The following ARHGAP18 variants were observed in gnomAD, a reference collection of about 807,000 sequenced individuals.
ARHGAP18 encodes the protein rho GTPase-activating protein 18.
ARHGAP18 carries 67 observed loss-of-function variants against 86.2 expected under a neutral mutation model. The observed-to-expected ratio is 0.78, with a 90% CI of 0.64 to 0.95. The LOEUF (loss-of-function observed/expected upper bound fraction) is 0.95. ARHGAP18 is among the 40% of genes least tolerant of loss of function. The pLI, the probability that ARHGAP18 is intolerant of heterozygous loss-of-function variation, is 0.00. For synonymous variants in ARHGAP18, 283 were observed against 280.4 expected (o/e 1.01, Z -0.09); for missense variants, 691 against 780.4 (o/e 0.89, Z 1.37).
chr6:129,607,845 A>G, intron 9 of ARHGAP18, 48 bp downstream of exon 9: 3 of 1,523,804 alleles, frequency 2.0e-6, no homozygotes, highest in Non-Finnish European at 2.6e-6. Context: ...AACAATTAAC[A>G]TAGATGGCAC....
intron 1 of ARHGAP18, chr6:129,662,045 A>C (rs369424647): frequency 6.1e-6 from 2 of 329,832 alleles, no homozygotes; most frequent in African/African-American, 2.2e-5. Context: ...CGCAAGCTGC[A>C]GCTCTCTGAG....
At chr6:129,687,648 C>T (rs969055538) in intron 1 of ARHGAP18, among the ~76,000 whole-genome samples, 10 of 152,242 alleles carry the variant, frequency 6.6e-5, no homozygotes, top group African/African-American at 2.4e-4. Context: ...CTCTAACCCA[C>T]ACCTTAACCT....
chr6:129,649,216 A>G (rs1773649977), intron 1 of ARHGAP18, among the ~76,000 whole-genome samples: 1 of 152,208 alleles, frequency 6.6e-6, no homozygotes, highest in Admixed American at 6.5e-5. Context: ...CATTTTGGGA[A>G]AAAAATGAAA....
intron 1 of ARHGAP18, among the ~76,000 whole-genome samples, chr6:129,680,735 C>A (rs528638766): frequency 6.6e-6 from 1 of 152,352 alleles, no homozygotes; most frequent in East Asian, 1.9e-4. Context: ...GGCATTCATC[C>A]AGGGGACATG....
chr6:129,655,610 T>A (rs564612907), intron 1 of ARHGAP18, among the ~76,000 whole-genome samples: 4 of 152,006 alleles, frequency 2.6e-5, no homozygotes, highest in African/African-American at 9.6e-5. Flanking sequence ...CTTTTTTTTT[T>A]AACTCAGGTG....
chr6:129,603,241 A>T (rs987811228), intron 10 of ARHGAP18, among the ~76,000 whole-genome samples: 5 of 151,966 alleles, frequency 3.3e-5, no homozygotes, highest in Non-Finnish European at 7.4e-5. Context: ...AGAACATGCA[A>T]TATTTGGTTT....
At chr6:129,641,192 A>G (rs1010049395) in intron 2 of ARHGAP18, among the ~76,000 whole-genome samples, 35 of 152,316 alleles carry the variant, frequency 2.3e-4, no homozygotes, top group Middle Eastern at 3.4e-3. Context: ...GGACCACAAC[A>G]GGTCTTTGAA....
chr6:129,684,312 G>T (rs1290497653), intron 1 of ARHGAP18, among the ~76,000 whole-genome samples: 2 of 152,206 alleles, frequency 1.3e-5, no homozygotes, highest in East Asian at 3.8e-4. Flanking sequence ...ATAACTGTGG[G>T]GAGAGCAACA....
intron 8 of ARHGAP18, among the ~76,000 whole-genome samples, chr6:129,609,072 A>C (rs1264370965): frequency 7.0e-6 from 1 of 141,932 alleles, no homozygotes; most frequent in Non-Finnish European, 1.5e-5. Context: ...AAGGAAGAGG[A>C]GAGAGAGGGG....
At chr6:129,645,082 T>C (rs1233265088) in intron 1 of ARHGAP18, among the ~76,000 whole-genome samples, 2 of 151,898 alleles carry the variant, frequency 1.3e-5, no homozygotes, top group Middle Eastern at 6.3e-3. Flanking sequence ...GGATGAGGAG[T>C]GGGAAGGAGA....
chr6:129,584,097 CCT>C lies in ARHGAP18; in HGVS notation c.1727_1728del (p.Gln576ArgfsTer21). 2 of 1,613,522 alleles carry C rather than the reference CCT, an allele frequency of 1.2e-6. No homozygotes were observed. The highest frequency in any genetic ancestry group is 1.7e-6 in the Non-Finnish European group (2 of 1,179,722). On this transcript the variant is annotated frameshift_variant, in exon 13 of 15. Coordinates refer to ENST00000368149, the MANE Select transcript of ARHGAP18 (RefSeq NM_033515.3). LOFTEE classifies it high-confidence loss of function. ...DKSTNDADVP[Q>X]GVIRVQAPHL... ...TGGGGAGCTTGCACTCGAATCACTCCCTGAGGAACGTCAGCCTGCAAAGCAAT... is the reference window on the plus strand; with the variant it reads ...TGGGGAGCTTGCACTCGAATCACTCCGAGGAACGTCAGCCTGCAAAGCAAT...
intron 10 of ARHGAP18, among the ~76,000 whole-genome samples, chr6:129,604,423 T>C (rs1267878867): frequency 1.3e-5 from 2 of 152,176 alleles, no homozygotes; most frequent in East Asian, 3.8e-4. Flanking sequence ...CATTTGAATG[T>C]AGGGGTATCT....
intron 1 of ARHGAP18, among the ~76,000 whole-genome samples, chr6:129,679,405 G>T (rs564980532): frequency 3.3e-5 from 5 of 152,308 alleles, no homozygotes; most frequent in South Asian, 2.1e-4. Flanking sequence ...AAAGCAGATT[G>T]GAGTCCTGAT....
intron 1 of ARHGAP18, among the ~76,000 whole-genome samples, chr6:129,694,562 C>T (rs538622156): frequency 1.3e-5 from 2 of 152,292 alleles, no homozygotes; most frequent in South Asian, 4.1e-4. Context: ...GTTTCTAAAA[C>T]ATACACAACA....
intron 1 of ARHGAP18, among the ~76,000 whole-genome samples, chr6:129,668,238 C>A (rs1774077621): frequency 6.6e-6 from 1 of 152,072 alleles, no homozygotes; most frequent in South Asian, 2.1e-4. Context: ...CCCACTATTT[C>A]TGGCCATATT....
intron 7 of ARHGAP18, among the ~76,000 whole-genome samples, chr6:129,614,882 C>T (rs971921198): frequency 2.0e-5 from 3 of 151,646 alleles, no homozygotes; most frequent in Admixed American, 2.0e-4. Flanking sequence ...AAAGAAGCGG[C>T]AATTTTGCTT....
Position 129,629,445 on chromosome 6 carries a change from G to C in ARHGAP18, c.694C>G (p.Leu232Val). The C allele has an allele frequency of 6.2e-7, 1 of 1,613,866 alleles. No homozygotes were observed. Among genetic ancestry groups the C allele is most frequent in the Non-Finnish European group, 8.5e-7 (1 of 1,179,934 alleles). ...ETPAPETDIN[L>V]EVSFAEQALN... ...GCTTGCTCGGCAAATGATACCTCCA[G>C]GTTGATGTCTGTTTCAGGGGCAGGC... Residue 232 changes from leucine (L) to valine (V), a missense_variant, in exon 5 of 15, where the codon CTG becomes GTG. Coordinates refer to ENST00000368149, the MANE Select transcript of ARHGAP18 (RefSeq NM_033515.3).
intron 5 of ARHGAP18, 116 bp downstream of exon 5, chr6:129,629,233 GTCTC>G (rs376556800): frequency 1.0e-5 from 7 of 702,198 alleles, no homozygotes; most frequent in Admixed American, 3.8e-5. Flanking sequence ...CTGTCTGTCT[GTCTC>G]TCTCTCTCTC....
chr6:129,676,648 T>G (rs1351715252), intron 1 of ARHGAP18, among the ~76,000 whole-genome samples: 1 of 152,158 alleles, frequency 6.6e-6, no homozygotes. Context: ...GCCTGCAAAG[T>G]GTGATGCATT....
Sources: allele counts gnomAD v4.1 joint callset (sites outside exome capture counted in the v4.1 genomes callset), GRCh38; gene constraint gnomAD v4.1.1; transcripts MANE v1.5; gene names NCBI Gene and HGNC (gene_info 2026-07-23, HGNC 2026-07-21).